TIGD6: variants seen among roughly 807,000 people sequenced by gnomAD.
TIGD6 encodes tigger transposable element-derived protein 6.
A neutral mutation model predicts 2.6 loss-of-function variants in TIGD6; 1 was observed. The observed-to-expected ratio is 0.39, with a 90% CI of 0.14 to 1.85. The LOEUF (loss-of-function observed/expected upper bound fraction) is 1.85. Among genes scored for constraint, TIGD6 ranks in the 40% most tolerant of loss-of-function variants. The probability of loss-of-function intolerance (pLI) is 0.32; values close to 1 mark genes in which losing one functional copy is unlikely to be tolerated. For synonymous variants in TIGD6, 193 were observed against 221.9 expected (o/e 0.87, Z 1.16); for missense variants, 601 against 634.2 (o/e 0.95, Z 0.56).
intron 1 of TIGD6, 121 bp downstream of exon 1, chr5:150,000,353 A>T (rs1226925043): frequency 2.0e-5 from 3 of 153,020 alleles, no homozygotes; most frequent in African/African-American, 7.2e-5. Context: ...GGCTGAGGTC[A>T]GGCCTTGAAC....
rs1755323092 is a variant in TIGD6, at chr5:149,994,173, G to A, written c.*610C>T. The A allele has an allele frequency of 3.3e-5, 5 of 152,234 alleles. No homozygotes were observed. The highest frequency in any genetic ancestry group is 5.9e-5 in the Non-Finnish European group (4 of 68,078). The allele number at this position is 152,234 out of a possible 1,614,324, so 9.4% of individuals were successfully genotyped here. A position where few individuals can be genotyped will look rare whatever the true frequency, so the allele number is the denominator to read the frequency against. On this transcript the variant is annotated 3_prime_UTR_variant, in exon 2 of 2. Coordinates refer to ENST00000296736, the MANE Select transcript of TIGD6 (RefSeq NM_030953.4). ...AGTGGTTTTCAAAGCATGGAGCCTG[G>A]ACTGCATCAGCTGAGAATGTGTTAG... is the stretch of plus-strand genomic sequence containing the variant.
rs1755334839 is a variant in TIGD6, at chr5:149,994,779, T to G, written c.*4A>C. The G allele has an allele frequency of 6.6e-7, 1 of 1,507,284 alleles. No individual in the cohort carries two copies. Among genetic ancestry groups the G allele is most frequent in the Non-Finnish European group, 8.9e-7 (1 of 1,129,048 alleles). The allele number at this position is 1,507,284 out of a possible 1,614,324, so 93.4% of individuals were successfully genotyped here. The stretch of plus-strand genomic sequence containing the variant: ...AACTACATTTTCTGAAATAAATTCC[T>G]GCATTATTTTGTTTGGAGGAAATCT... On this transcript the variant is annotated 3_prime_UTR_variant, in exon 2 of 2. Coordinates refer to ENST00000296736, the MANE Select transcript of TIGD6 (RefSeq NM_030953.4).
At chr5:149,998,882 A>G (rs950255751) in intron 1 of TIGD6, among the ~76,000 whole-genome samples, 6 of 152,228 alleles carry the variant, frequency 3.9e-5, no homozygotes, top group Non-Finnish European at 8.8e-5. Context: ...TGAAAACTAA[A>G]TCAGAGGTTA....
At chr5:149,999,179 G>A (rs1191520471) in intron 1 of TIGD6, among the ~76,000 whole-genome samples, 4 of 152,200 alleles carry the variant, frequency 2.6e-5, no homozygotes, top group South Asian at 2.1e-4. Flanking sequence ...GGCTTTTGAC[G>A]GTTTTTTGGT....
Position 150,000,539 on chromosome 5 carries a change from C to T in TIGD6, c.-147G>A. The T allele has an allele frequency of 6.4e-6, 1 of 155,140 alleles. No homozygotes were observed. The highest frequency in any genetic ancestry group is 2.0e-4 in the South Asian group (1 of 4,936). 9.6% of individuals were successfully genotyped at this position (155,140 alleles called of 1,614,324 possible). ...GGCGTCCCACCGCCGGCAGCCACAG[C>T]TTCCTCCTCCGCCCGGGACCTCTGG... is the stretch of plus-strand genomic sequence containing the variant. On this transcript the variant is annotated 5_prime_UTR_variant, in exon 1 of 2. Transcript: ENST00000296736.
Position 149,995,826 on chromosome 5 carries a change from TATC to T in TIGD6, c.520_522del (p.Asp174del), listed in dbSNP as rs760062871. ...ACTCCTGTCTCATCAGCATTAAAGA[TATC>T]ATCTGGGCTGTAGTCAGCAATCAGT... is the stretch of plus-strand genomic sequence containing the variant. On this transcript the variant is annotated inframe_deletion, in exon 2 of 2. Coordinates refer to ENST00000296736, the MANE Select transcript of TIGD6 (RefSeq NM_030953.4). 4 of 1,614,216 alleles carry T rather than the reference TATC, an allele frequency of 2.5e-6. No homozygotes were observed. The highest frequency in any genetic ancestry group is 2.5e-6 in the Non-Finnish European group (3 of 1,180,044).
At position 149,995,820 on chromosome 5, in the gene TIGD6, TA is replaced by T. The variant is rs1755371086; in HGVS notation, c.528del (p.Phe176LeufsTer35). On this transcript the variant is annotated frameshift_variant, in exon 2 of 2. Coordinates refer to ENST00000296736, the MANE Select transcript of TIGD6 (RefSeq NM_030953.4). LOFTEE classifies it low-confidence loss of function (END_TRUNC). ...LIADYSPDDI[F>X]NADETGVFFQ... is the part of the protein sequence containing the mutation. ...AAAAACACTCCTGTCTCATCAGCATTAAAGATATCATCTGGGCTGTAGTCAG... is the reference window on the plus strand; with the variant it reads ...AAAAACACTCCTGTCTCATCAGCATTAAGATATCATCTGGGCTGTAGTCAG... The T allele has an allele frequency of 6.2e-7, 1 of 1,614,118 alleles. No homozygotes were observed. The highest frequency in any genetic ancestry group is 8.5e-7 in the Non-Finnish European group (1 of 1,180,048).
At position 149,994,860 on chromosome 5, in the gene TIGD6, T is replaced by C. The variant is rs1410399165; in HGVS notation, c.1489A>G (p.Ile497Val). 1.2e-6 allele frequency: 2 copies of C among 1,602,060 alleles called. No homozygotes were observed. The highest frequency in any genetic ancestry group is 8.5e-7 in the Non-Finnish European group (1 of 1,172,574). ...ACTCTTTTCATTAAATATTCATCTA[T>C]GCCATTTAATTGTCCAAAAATGGCA... ...PDAIFGQLNG[I>V]DEYLMKRVTQ... The change falls in exon 2 of 2, where the codon ATA (isoleucine) becomes GTA (valine). Residue 497 changes from isoleucine (I) to valine (V), a missense_variant. Ile to Val is a conservative substitution (Grantham distance 29). Transcript: ENST00000296736.
At position 149,995,335 on chromosome 5, in the gene TIGD6, G is replaced by GA; in HGVS notation, c.1013dup (p.Asn339GlnfsTer4). On this transcript the variant is annotated frameshift_variant, in exon 2 of 2. Transcript: ENST00000296736. LOFTEE classifies it low-confidence loss of function (END_TRUNC). ...CCTCTTCTTGATCCTCACTGCTGTT[G>GA]AGCTTGAGGAGGATCTGTTTTAGAA... The GA allele has an allele frequency of 6.2e-7, 1 of 1,614,044 alleles. No individual in the cohort carries two copies. The highest frequency in any genetic ancestry group is 8.5e-7 in the Non-Finnish European group (1 of 1,179,906).
intron 1 of TIGD6, among the ~76,000 whole-genome samples, chr5:149,998,100 A>G (rs1482500045): frequency 6.6e-6 from 1 of 152,174 alleles, no homozygotes; most frequent in Non-Finnish European, 1.5e-5. Context: ...ACTGCACTCC[A>G]GCCTGGCGAC....
chr5:149,997,728 C>T (rs1223695036), intron 1 of TIGD6, among the ~76,000 whole-genome samples: 1 of 151,458 alleles, frequency 6.6e-6, no homozygotes, highest in African/African-American at 2.4e-5. Context: ...GGGAGGCCGA[C>T]GCGTGTGGAT....
At chr5:149,997,993 G>A (rs972624932) in intron 1 of TIGD6, among the ~76,000 whole-genome samples, 5 of 152,092 alleles carry the variant, frequency 3.3e-5, no homozygotes, top group African/African-American at 1.2e-4. Flanking sequence ...AACTGGGTGT[G>A]GTGGCGCATG....
Position 150,000,582 on chromosome 5 carries a change from G to A in TIGD6, c.-190C>T, listed in dbSNP as rs1755525247. 6.5e-6 allele frequency: 1 copy of A among 154,582 alleles called. No homozygotes were observed. Among genetic ancestry groups the A allele is most frequent in the Admixed American group, 6.5e-5 (1 of 15,284 alleles). The allele number at this position is 154,582 out of a possible 1,614,324, so 9.6% of individuals were successfully genotyped here. ...ACCTCTGGCCGGAAGCAGTCCGTTC[G>A]CCTTACTAGACCCGCTCCAAGCCTT... On this transcript the variant is annotated 5_prime_UTR_variant, in exon 1 of 2. Transcript: ENST00000296736.
Position 149,994,673 on chromosome 5 carries a change from G to A in TIGD6, c.*110C>T. On this transcript the variant is annotated 3_prime_UTR_variant, in exon 2 of 2. Coordinates refer to ENST00000296736, the MANE Select transcript of TIGD6 (RefSeq NM_030953.4). ...TCAAAGAAGTTTCCTGGCTATTTCA[G>A]AGTACTGGAATGTTGTCACAATAAC... 2.8e-6 allele frequency: 3 copies of A among 1,059,316 alleles called. No individual in the cohort carries two copies. The highest frequency in any genetic ancestry group is 2.6e-6 in the Non-Finnish European group (2 of 775,524). The allele number at this position is 1,059,316 out of a possible 1,614,324, so 65.6% of individuals were successfully genotyped here. A position where few individuals can be genotyped will look rare whatever the true frequency, so the allele number is the denominator to read the frequency against.
Position 149,994,982 on chromosome 5 carries a change from A to G in TIGD6, c.1367T>C (p.Val456Ala). Reference sequence around the variant, plus strand: ...GACTTTTGGTTGCTCTGGTAAAGATACCTCCCCTTCATCTTCACTTCCTGC... The same window carrying G: ...GACTTTTGGTTGCTCTGGTAAAGATGCCTCCCCTTCATCTTCACTTCCTGC... ...SEAGSEDEGEVSLPEQPKVTI... is the reference protein window; with the variant it reads ...SEAGSEDEGEASLPEQPKVTI... The change falls in exon 2 of 2, where the codon GTA becomes GCA. Residue 456 changes from valine to alanine, a missense_variant. By Grantham distance (64) the Val-to-Ala change is moderately conservative. Transcript: ENST00000296736. 1 of 1,613,486 alleles carries G rather than the reference A, an allele frequency of 6.2e-7. No individual in the cohort carries two copies. Among genetic ancestry groups the G allele is most frequent in the Non-Finnish European group, 8.5e-7 (1 of 1,179,658 alleles).
rs762725275 is a variant in TIGD6 at position 149,995,984 on chromosome 5, C to T, written c.365G>A (p.Gly122Asp). The T allele has an allele frequency of 6.2e-7, 1 of 1,611,020 alleles. No individual in the cohort carries two copies. The highest frequency in any genetic ancestry group is 1.1e-5 in the South Asian group (1 of 91,082). ...LGYDNFQASVGWLNRFRDRHG... is the reference protein window; with the variant it reads ...LGYDNFQASVDWLNRFRDRHG... ...GCGATCTCTAAATCTGTTCAGCCAG[C>T]CCACACTTGCTTGAAAATTGTCATA... is the stretch of plus-strand genomic sequence containing the variant. Residue 122 changes from glycine (G) to aspartate (D), a missense_variant, in exon 2 of 2, where the codon GGC becomes GAC. By Grantham distance (94) the Gly-to-Asp change is moderately conservative (BLOSUM62 -1). Transcript: ENST00000296736.
rs759270563 is a variant in TIGD6, at chr5:149,995,020, T to C, written c.1329A>G (p.Glu443=). The change falls in exon 2 of 2, where the codon GAA becomes GAG. Residue 443 remains glutamate (E), a synonymous_variant. Transcript: ENST00000296736. The part of the protein sequence containing the change: ...TDIIQDMVAG[E]NTSEAGSEDE... Reference sequence around the variant, plus strand: ...CTTCACTTCCTGCTTCACTGGTATTTTCGCCAGCCACCATGTCCTGGATGA... The same window carrying C: ...CTTCACTTCCTGCTTCACTGGTATTCTCGCCAGCCACCATGTCCTGGATGA... The C allele has an allele frequency of 1.9e-6, 3 of 1,614,188 alleles. No individual in the cohort carries two copies. In the South Asian group the frequency reaches 3.3e-5, roughly 18 times the overall value.
Position 149,994,815 on chromosome 5 carries a change from A to G in TIGD6, c.1534T>C (p.Ser512Pro). Residue 512 changes from serine (S) to proline (P), a missense_variant, in exon 2 of 2, where the codon TCC (serine) becomes CCC (proline). Physicochemically the swap from Ser to Pro is moderately conservative, Grantham distance 74. Coordinates refer to ENST00000296736, the MANE Select transcript of TIGD6 (RefSeq NM_030953.4). ...MKRVTQTLIDSKITDFLQTK is the reference protein window; with the variant it reads ...MKRVTQTLIDPKITDFLQTK ...GTTTGGAGGAAATCTGTAATTTTGG[A>G]ATCAATAAGGGTTTGTGTCACTCTT... is the stretch of plus-strand genomic sequence containing the variant. 1 of 1,528,166 alleles carries G rather than the reference A, an allele frequency of 6.5e-7. No individual in the cohort carries two copies. Among genetic ancestry groups the G allele is most frequent in the Non-Finnish European group, 8.8e-7 (1 of 1,138,472 alleles). 94.7% of individuals were successfully genotyped at this position (1,528,166 alleles called of 1,614,324 possible).
chr5:149,994,171 T>A lies in TIGD6; in HGVS notation c.*612A>T, dbSNP rs1030417574. 2.0e-5 allele frequency: 3 copies of A among 152,276 alleles called. No homozygotes were observed. Among genetic ancestry groups the A allele is most frequent in the African/African-American group, 7.2e-5 (3 of 41,458 alleles). 9.4% of individuals were successfully genotyped at this position (152,276 alleles called of 1,614,324 possible). A position where few individuals can be genotyped will look rare whatever the true frequency, so the allele number is the denominator to read the frequency against. ...CCAGTGGTTTTCAAAGCATGGAGCC[T>A]GGACTGCATCAGCTGAGAATGTGTT... On this transcript the variant is annotated 3_prime_UTR_variant, in exon 2 of 2. Coordinates refer to ENST00000296736, the MANE Select transcript of TIGD6 (RefSeq NM_030953.4).
Sources: allele counts gnomAD v4.1 joint callset (sites outside exome capture counted in the v4.1 genomes callset), GRCh38; gene constraint gnomAD v4.1.1; transcripts MANE v1.5; gene names NCBI Gene and HGNC (gene_info 2026-07-23, HGNC 2026-07-21).